The following RGS6 variants were observed in gnomAD, a reference collection of about 807,000 sequenced individuals.
RGS6 encodes the protein regulator of G-protein signaling 6.
RGS6 carries 30 observed loss-of-function variants against 78.5 expected under a neutral mutation model. The ratio of observed to expected loss-of-function variants is 0.38; its 90% CI spans 0.29 to 0.52. The LOEUF (loss-of-function observed/expected upper bound fraction) is 0.52. Among genes scored for constraint, RGS6 ranks in the 20% least tolerant of loss-of-function variants. RGS6 has a pLI of 0.85. For missense variants in RGS6, 495 were observed against 609.7 expected (o/e 0.81, Z 1.98); for synonymous variants, 206 against 206.0 (o/e 1.00, Z 0.00).
intron 2 of RGS6, among the ~76,000 whole-genome samples, chr14:72,347,887 G>A (rs1041137975): frequency 9.2e-5 from 14 of 152,138 alleles, no homozygotes; most frequent in African/African-American, 3.4e-4. Context: ...AATCCTAGAG[G>A]CAGAAAAGTG....
chr14:72,556,809 T>TAATC (rs2153544001), intron 17 of RGS6, among the ~76,000 whole-genome samples: 1 of 152,254 alleles, frequency 6.6e-6, no homozygotes, highest in East Asian at 1.9e-4. Flanking sequence ...ATTAATTCTT[T>TAATC]AATCAGTGAA....
At chr14:72,606,888 A>G in the RGS6 span, among the ~76,000 whole-genome samples, 2 of 152,108 alleles carry the variant, frequency 1.3e-5, no homozygotes, top group Non-Finnish European at 2.9e-5. Context: ...TCCTTCCCTC[A>G]CCATGTGACA....
At chr14:72,262,238 A>G (rs2058297614) in intron 2 of RGS6, among the ~76,000 whole-genome samples, 2 of 152,224 alleles carry the variant, frequency 1.3e-5, no homozygotes, top group South Asian at 2.1e-4. Flanking sequence ...GGAGTGTATT[A>G]GTCAGCTTTG....
the RGS6 span, among the ~76,000 whole-genome samples, chr14:72,629,203 C>T: frequency 1.2e-4 from 19 of 152,268 alleles, no homozygotes; most frequent in Middle Eastern, 3.4e-3. Context: ...GATATTATGA[C>T]GGAGACTATG....
At chr14:72,282,444 A>C (rs1379088145) in intron 2 of RGS6, among the ~76,000 whole-genome samples, 1 of 152,186 alleles carries the variant, frequency 6.6e-6, no homozygotes, top group Non-Finnish European at 1.5e-5. Flanking sequence ...TGCAGTTTCC[A>C]AGTCTATAGC....
chr14:72,057,269 G>A (rs1014074122), intron 2 of RGS6, among the ~76,000 whole-genome samples: 6 of 135,596 alleles, frequency 4.4e-5, no homozygotes, highest in Non-Finnish European at 7.6e-5. Flanking sequence ...AGCTAAGATC[G>A]TGCCATTGCA....
chr14:71,999,866 CTT>C (rs35391986), intron 2 of RGS6, among the ~76,000 whole-genome samples: 162 of 146,846 alleles, frequency 1.1e-3, no homozygotes, highest in African/African-American at 3.8e-3. Context: ...AATTAAACCT[CTT>C]TTTTTTTTTT....
At chr14:72,294,360 T>G (rs1355516975) in intron 2 of RGS6, among the ~76,000 whole-genome samples, 1 of 152,034 alleles carries the variant, frequency 6.6e-6, no homozygotes, top group Non-Finnish European at 1.5e-5. Flanking sequence ...CCAACAGAGA[T>G]GTAGACTGGG....
downstream of RGS6, among the ~76,000 whole-genome samples, chr14:72,570,108 G>A (rs1158538629): frequency 1.3e-5 from 2 of 151,910 alleles, no homozygotes; most frequent in African/African-American, 2.4e-5. Flanking sequence ...CAACAACCAT[G>A]ATGAAAAATA....
At chr14:71,869,630 T>C in the RGS6 span, among the ~76,000 whole-genome samples, 1 of 152,286 alleles carries the variant, frequency 6.6e-6, no homozygotes, top group Admixed American at 6.5e-5. Flanking sequence ...AGAAAACCCA[T>C]TATAGCTATA....
intron 2 of RGS6, among the ~76,000 whole-genome samples, chr14:72,002,860 A>G (rs571369550): frequency 6.6e-6 from 1 of 152,236 alleles, no homozygotes; most frequent in Non-Finnish European, 1.5e-5. Context: ...GGTTTTCTGT[A>G]TGTGTGAGCT....
Position 72,079,445 on chromosome 14 carries a change from C to A in RGS6, c.84+114570C>A, listed in dbSNP as rs540241546. ...TGAAAATTGTATATATTTATGTATA[C>A]AACATGATGCTTTGATATATGTAGG... On this transcript the variant is annotated intron_variant, in intron 2 of 17. Coordinates refer to ENST00000553525, the MANE Select transcript of RGS6 (RefSeq NM_001204424.2). Among the ~76,000 whole-genome samples, 6 of 152,100 alleles carry A rather than the reference C, an allele frequency of 3.9e-5. No homozygotes were observed. In the South Asian group the frequency reaches 1.2e-3, roughly 32 times the overall value.
chr14:72,131,029 C>T (rs1355837375), intron 2 of RGS6, among the ~76,000 whole-genome samples: 1 of 152,218 alleles, frequency 6.6e-6, no homozygotes, highest in Non-Finnish European at 1.5e-5. Context: ...TCTTCTGTTT[C>T]CCTACACTTG....
intron 9 of RGS6, among the ~76,000 whole-genome samples, chr14:72,473,367 C>T (rs1425877738): frequency 6.6e-6 from 1 of 152,164 alleles, no homozygotes; most frequent in African/African-American, 2.4e-5. Flanking sequence ...TGGTGTGAAC[C>T]CGGGAGGCGG....
intron 2 of RGS6, among the ~76,000 whole-genome samples, chr14:72,340,396 C>G (rs2076775881): frequency 6.6e-6 from 1 of 152,148 alleles, no homozygotes; most frequent in African/African-American, 2.4e-5. Context: ...GGGCAGGTTT[C>G]AAGGGGCCAG....
chr14:72,159,890 A>G (rs549352570), intron 2 of RGS6, among the ~76,000 whole-genome samples: 20 of 152,354 alleles, frequency 1.3e-4, no homozygotes, highest in East Asian at 3.9e-4. Flanking sequence ...CGTCTTGCCA[A>G]TTTGAAACTT....
the RGS6 span, among the ~76,000 whole-genome samples, chr14:72,619,729 C>T: frequency 1.3e-5 from 2 of 152,204 alleles, no homozygotes; most frequent in East Asian, 1.9e-4. Flanking sequence ...TCAGTTTCCT[C>T]ATCTGTAAAA....
intron 6 of RGS6, among the ~76,000 whole-genome samples, chr14:72,465,265 G>A (rs1038400066): frequency 1.3e-5 from 2 of 152,178 alleles, no homozygotes; most frequent in African/African-American, 4.8e-5. Context: ...TCCAGGCAGA[G>A]CTTTTAGGCA....
At chr14:72,321,787 A>G (rs1321908219) in intron 2 of RGS6, among the ~76,000 whole-genome samples, 1 of 152,032 alleles carries the variant, frequency 6.6e-6, no homozygotes, top group Non-Finnish European at 1.5e-5. Context: ...GATGACATAG[A>G]TGGCCTAAAT....
Sources: gnomAD v4.1 joint callset for allele counts (sites outside exome capture counted in the v4.1 genomes callset) on GRCh38, gnomAD v4.1.1 for gene constraint, MANE v1.5 for transcripts, NCBI Gene and HGNC (gene_info 2026-07-23, HGNC 2026-07-21) for gene names.